DGCR8: variants seen among roughly 807,000 people sequenced by gnomAD.
DGCR8 encodes DGCR8 microprocessor complex subunit.
Under a neutral mutation model 78.5 loss-of-function variants are expected in DGCR8, and 14 were observed. That is an observed-to-expected ratio of 0.18 (90% CI 0.12 to 0.28). DGCR8 has a LOEUF of 0.28. Ranked by LOEUF, DGCR8 falls within the 10% of genes least tolerant of loss-of-function variation. The probability of loss-of-function intolerance (pLI) is 1.00; values close to 1 mark genes in which losing one functional copy is unlikely to be tolerated. For missense variants in DGCR8, 702 were observed against 1,022.5 expected, an observed-to-expected ratio of 0.69 and a Z score of 4.28; for synonymous variants, 399 against 402.4, an observed-to-expected ratio of 0.99 and a Z score of 0.10.
In DGCR8 at chr22:20,106,709, C is replaced by T. The variant is rs752315644; in HGVS notation, c.1996+11C>T. Reference sequence around the variant, plus strand: ...CAGTGCGCGGGTGGTGTAAGGACTCCTTCTCTGCTGCCTGGTGGCCGCTGG... The same window carrying T: ...CAGTGCGCGGGTGGTGTAAGGACTCTTTCTCTGCTGCCTGGTGGCCGCTGG... On this transcript the variant is annotated intron_variant, in intron 11 of 13. Transcript: ENST00000351989. The T allele has an allele frequency of 1.9e-6, 3 of 1,597,402 alleles. No homozygotes were observed. Among genetic ancestry groups the T allele is most frequent in the Non-Finnish European group, 2.6e-6 (3 of 1,165,162 alleles).
intron 1 of DGCR8, among the ~76,000 whole-genome samples, chr22:20,083,362 G>C (rs1427793101): frequency 2.7e-5 from 4 of 147,160 alleles, no homozygotes; most frequent in Non-Finnish European, 6.1e-5. Context: ...GTAGCATCTA[G>C]GATGGTGTGT....
chr22:20,100,505 G>A (rs1158925502), intron 9 of DGCR8: 1 of 985,302 alleles, frequency 1.0e-6, no homozygotes, highest in Non-Finnish European at 1.2e-6. Context: ...GATGGTGCCT[G>A]AGTTGTGTAG....
Position 20,109,948 on chromosome 22 carries a change from C to CT in DGCR8, c.2239-76dup. On this transcript the variant is annotated intron_variant, in intron 13 of 13. Coordinates refer to ENST00000351989, the MANE Select transcript of DGCR8 (RefSeq NM_022720.7). ...GCCTCCTGGCATGATCTGCTGGGCT[C>CT]TCCCTCCACCTTGTGTCTTCCCGAG... The CT allele has an allele frequency of 3.5e-6, 5 of 1,416,630 alleles. No homozygotes were observed. The African/African-American group carries it at 4.2e-5, about 12-fold the overall frequency. The allele number at this position is 1,416,630 out of a possible 1,614,324, so 87.8% of individuals were successfully genotyped here.
intron 1 of DGCR8, chr22:20,080,627 G>A (rs1331121373): frequency 2.6e-6 from 1 of 382,236 alleles, no homozygotes. Context: ...TGTCCGCCCG[G>A]GTAAAGAGGC....
chr22:20,085,343 C>T lies in DGCR8; in HGVS notation c.-277-344C>T, dbSNP rs2049469198. Among the ~76,000 whole-genome samples, 1 of 152,128 alleles carries T rather than the reference C, an allele frequency of 6.6e-6. No individual in the cohort carries two copies. Among genetic ancestry groups the T allele is most frequent in the South Asian group, 2.1e-4 (1 of 4,824 alleles). On this transcript the variant is annotated intron_variant, in intron 1 of 13. Transcript: ENST00000351989. The surrounding 1 kb of genome is among the most constrained non-coding windows in gnomAD (Gnocchi z 6.2). ...CTTCTGTGTGTTCCAGAAAGGGTGC[C>T]TCCCACTGCATGCTTGCTTATCTGA... is the stretch of plus-strand genomic sequence containing the variant.
intron 6 of DGCR8, 55 bp from the exon 7 acceptor site, chr22:20,091,814 T>C (rs2049566641): frequency 6.5e-7 from 1 of 1,547,486 alleles, no homozygotes; most frequent in Admixed American, 1.7e-5. Flanking sequence ...CAGGAAGCTG[T>C]GTGCTAGCTT....
At chr22:20,092,766 G>A (rs2049580947) in intron 7 of DGCR8, 43 bp from the exon 8 acceptor site, 6 of 1,558,262 alleles carry the variant, frequency 3.9e-6, no homozygotes, top group Non-Finnish European at 5.3e-6. Context: ...CGCTTTTGAT[G>A]TCTTGACTCG....
In DGCR8 at chr22:20,109,909, G is replaced by C. The variant is rs932344190; in HGVS notation, c.2239-116G>C. Reference sequence around the variant, plus strand: ...GCCTGGCATCACAAGCACTGGTGCCGTTGGGGCTCCAGGGCCTCCTGGCAT... The same window carrying C: ...GCCTGGCATCACAAGCACTGGTGCCCTTGGGGCTCCAGGGCCTCCTGGCAT... On this transcript the variant is annotated intron_variant, in intron 13 of 13. Transcript: ENST00000351989. 2.8e-5 allele frequency: 28 copies of C among 991,064 alleles called. No individual in the cohort carries two copies. The African/African-American group carries it at 4.5e-4, about 16-fold the overall frequency. The allele number at this position is 991,064 out of a possible 1,614,324, so 61.4% of individuals were successfully genotyped here. A position where few individuals can be genotyped will look rare whatever the true frequency, so the allele number is the denominator to read the frequency against.
At chr22:20,109,865 G>A (rs2049814295) in intron 13 of DGCR8, among the ~76,000 whole-genome samples, 160 bp from the exon 14 acceptor site, 1 of 152,222 alleles carries the variant, frequency 6.6e-6, no homozygotes, top group African/African-American at 2.4e-5. Flanking sequence ...CCTGCCCCAG[G>A]CCTTCCCTGC....
In DGCR8 at chr22:20,086,152, T is replaced by C. The variant is rs2147915404; in HGVS notation, c.189T>C (p.Ala63=). The C allele has an allele frequency of 6.2e-7, 1 of 1,614,198 alleles. No homozygotes were observed. Among genetic ancestry groups the C allele is most frequent in the East Asian group, 2.2e-5 (1 of 44,874 alleles). Reference sequence around the variant, plus strand: ...GTGATGGACAGTCCGAACTCCCTGCTGAGGACCCCTTCAACTTCTACGGAG... The same window carrying C: ...GTGATGGACAGTCCGAACTCCCTGCCGAGGACCCCTTCAACTTCTACGGAG... ...SGGDGQSELP[A]EDPFNFYGAS... is the part of the protein sequence containing the mutation. The change falls in exon 2 of 14, where the codon GCT becomes GCC. Residue 63 remains alanine (A), a synonymous_variant. Coordinates refer to ENST00000351989, the MANE Select transcript of DGCR8 (RefSeq NM_022720.7). The surrounding 1 kb of genome is among the most constrained non-coding windows in gnomAD (Gnocchi z 6.4).
intron 1 of DGCR8, among the ~76,000 whole-genome samples, chr22:20,083,837 CA>C: frequency 6.6e-6 from 1 of 152,312 alleles, no homozygotes; most frequent in South Asian, 2.1e-4. Context: ...GACCTCACCC[CA>C]CTTAGTGTTC....
At chr22:20,106,893 C>T in intron 11 of DGCR8, 195 bp downstream of exon 11, 1 of 595,470 alleles carries the variant, frequency 1.7e-6, no homozygotes, top group Non-Finnish European at 3.0e-6. Flanking sequence ...TTTTCCCTTT[C>T]CCCCGCTGTC....
In DGCR8 at chr22:20,111,721, C is replaced by A. The variant is rs959623521; in HGVS notation, c.*1613C>A. ...GTCTCTGTGCGCCCCCCCCCCCCCC[C>A]CACCCGTCTGCCAAGCATGGGTATG... is the stretch of plus-strand genomic sequence containing the variant. On this transcript the variant is annotated 3_prime_UTR_variant, in exon 14 of 14. Transcript: ENST00000351989. 9.4e-5 allele frequency: 17 copies of A among 181,540 alleles called. 1 individual carries two copies. The South Asian group carries it at 4.1e-3, about 44-fold the overall frequency. The allele number at this position is 181,540 out of a possible 1,614,324, so 11.2% of individuals were successfully genotyped here.
chr22:20,102,890 T>C (rs2049720158), intron 9 of DGCR8, among the ~76,000 whole-genome samples: 2 of 152,238 alleles, frequency 1.3e-5, no homozygotes, highest in Admixed American at 1.3e-4. Flanking sequence ...CCCAGCACTT[T>C]GGGAGGCCGA....
intron 1 of DGCR8, among the ~76,000 whole-genome samples, chr22:20,082,760 C>T (rs148215184): frequency 6.6e-6 from 1 of 152,344 alleles, no homozygotes; most frequent in Non-Finnish European, 1.5e-5. Context: ...CCATCACTTC[C>T]TGGCTGTATG....
intron 1 of DGCR8, among the ~76,000 whole-genome samples, chr22:20,082,503 G>A (rs2049430063): frequency 6.6e-6 from 1 of 151,964 alleles, no homozygotes; most frequent in Admixed American, 6.6e-5. Context: ...GAGTAGCTGG[G>A]ACTATAGGCG....
intron 6 of DGCR8, 42 bp downstream of exon 6, chr22:20,091,674 T>C (rs2049563387): frequency 1.2e-6 from 2 of 1,603,700 alleles, no homozygotes; most frequent in Non-Finnish European, 1.7e-6. Flanking sequence ...CTGGTTATGC[T>C]GTTATTTCTA....
intron 5 of DGCR8, 132 bp downstream of exon 5, chr22:20,090,390 T>C: frequency 9.0e-7 from 1 of 1,115,008 alleles, no homozygotes; most frequent in South Asian, 1.6e-5. Context: ...CCACTGTTGG[T>C]GTGGCTGAAA....
intron 5 of DGCR8, among the ~76,000 whole-genome samples, chr22:20,090,464 G>A (rs1002690597): frequency 2.6e-5 from 4 of 152,214 alleles, no homozygotes; most frequent in Admixed American, 2.0e-4. Flanking sequence ...CTGTCTGTGG[G>A]CTCTGTGGTG....
Sources: gnomAD v4.1 joint callset for allele counts (sites outside exome capture counted in the v4.1 genomes callset) on GRCh38, gnomAD v4.1.1 for gene constraint, Gnocchi (gnomAD v3.1) non-coding constraint, MANE v1.5 for transcripts, NCBI Gene and HGNC (gene_info 2026-07-23, HGNC 2026-07-21) for gene names.